Variants in CSMD1 observed in about 807,000 individuals in gnomAD.
CSMD1 encodes CUB and Sushi multiple domains 1.
A neutral mutation model predicts 417.5 loss-of-function variants in CSMD1; 213 were observed. The observed-to-expected ratio is 0.51, with a 90% CI of 0.46 to 0.57. The LOEUF (loss-of-function observed/expected upper bound fraction) is 0.57, where lower values mean the gene tolerates loss of function less well. Among genes scored for constraint, CSMD1 ranks in the 20% least tolerant of loss-of-function variants. The probability of loss-of-function intolerance (pLI) is 0.00; values close to 1 mark genes in which losing one functional copy is unlikely to be tolerated. For missense variants in CSMD1, 6,923 were observed against 4,529.7 expected, an observed-to-expected ratio of 1.53 and a Z score of -15.17; for synonymous variants, 2,862 against 1,736.8, an observed-to-expected ratio of 1.65 and a Z score of -16.11.
At chr8:3,313,632 G>A (rs1302977978) in intron 23 of CSMD1, among the ~76,000 whole-genome samples, 2 of 152,220 alleles carry the variant, frequency 1.3e-5, no homozygotes, top group African/African-American at 4.8e-5. Flanking sequence ...AGGTGCTGGA[G>A]AGGATGTGGA....
intron 1 of CSMD1, among the ~76,000 whole-genome samples, chr8:4,824,912 C>A (rs927597400): frequency 1.3e-5 from 2 of 152,100 alleles, no homozygotes; most frequent in African/African-American, 4.8e-5. Context: ...TACTGCTACA[C>A]AAATGCTAAC....
chr8:4,415,466 C>A (rs986987005), intron 3 of CSMD1, among the ~76,000 whole-genome samples: 4 of 95,884 alleles, frequency 4.2e-5, no homozygotes, highest in African/African-American at 1.6e-4. Context: ...TGGCCTGAGC[C>A]CACTCTGTGA....
chr8:3,332,674 T>C (rs7820621), intron 23 of CSMD1, among the ~76,000 whole-genome samples: 106,772 of 152,202 alleles, frequency 0.7, 38,177 homozygotes, highest in African/African-American at 0.83. Flanking sequence ...TGGGAGTGCG[T>C]GCATGTGTGC....
At chr8:4,119,343 C>A (rs1012971394) in intron 3 of CSMD1, among the ~76,000 whole-genome samples, 2 of 152,126 alleles carry the variant, frequency 1.3e-5, no homozygotes, top group Admixed American at 1.3e-4. Flanking sequence ...ACATCCACAG[C>A]AGGGAATGCT....
At chr8:3,336,675 C>T (rs968279543) in intron 23 of CSMD1, among the ~76,000 whole-genome samples, 4 of 152,158 alleles carry the variant, frequency 2.6e-5, no homozygotes, top group African/African-American at 9.7e-5. Context: ...CCCATCCAGA[C>T]AGAGGACCCA....
intron 3 of CSMD1, among the ~76,000 whole-genome samples, chr8:4,035,224 G>A (rs1797555096): frequency 6.6e-6 from 1 of 152,074 alleles, no homozygotes; most frequent in South Asian, 2.1e-4. Flanking sequence ...ACGTGTCTGT[G>A]GTGACGCCGG....
At chr8:3,168,956 T>C (rs984019831) in intron 37 of CSMD1, among the ~76,000 whole-genome samples, 1 of 152,074 alleles carries the variant, frequency 6.6e-6, no homozygotes, top group East Asian at 1.9e-4. Context: ...ACAAATTATA[T>C]TAGCATTTTA....
At chr8:3,341,195 G>A (rs1807619456) in intron 23 of CSMD1, among the ~76,000 whole-genome samples, 1 of 152,080 alleles carries the variant, frequency 6.6e-6, no homozygotes, top group East Asian at 1.9e-4. Flanking sequence ...CTGGGTGAGG[G>A]AGGGTGGACA....
At chr8:3,449,494 A>T (rs1004192936) in intron 12 of CSMD1, among the ~76,000 whole-genome samples, 8 of 152,020 alleles carry the variant, frequency 5.3e-5, no homozygotes, top group Non-Finnish European at 1.5e-5. Context: ...GTGAAGAACA[A>T]AATGAACATA....
At chr8:3,992,204 T>C (rs897590635) in intron 5 of CSMD1, among the ~76,000 whole-genome samples, 3 of 137,298 alleles carry the variant, frequency 2.2e-5, no homozygotes, top group Admixed American at 2.2e-4. Context: ...TTCATATTTA[T>C]TTCCCATTTA....
intron 26 of CSMD1, among the ~76,000 whole-genome samples, chr8:3,236,290 A>C (rs1192606778): frequency 1.2e-4 from 19 of 152,090 alleles, no homozygotes; most frequent in Admixed American, 1.2e-3. Flanking sequence ...GTATATTTTC[A>C]AAGGTTATTT....
At chr8:3,432,508 CTTTTTTT>C (rs769207768) in intron 12 of CSMD1, among the ~76,000 whole-genome samples, 2 of 105,316 alleles carry the variant, frequency 1.9e-5, no homozygotes, top group African/African-American at 7.1e-5. Context: ...TCAATATGGG[CTTTTTTT>C]TTTTTTTTTT....
intron 3 of CSMD1, among the ~76,000 whole-genome samples, chr8:4,076,787 A>T (rs1216626219): frequency 6.6e-6 from 1 of 152,120 alleles, no homozygotes; most frequent in Non-Finnish European, 1.5e-5. Flanking sequence ...CAACAACCAT[A>T]TCAGAGTATA....
intron 5 of CSMD1, among the ~76,000 whole-genome samples, chr8:3,880,940 A>C (rs960413316): frequency 1.3e-5 from 2 of 152,184 alleles, no homozygotes; most frequent in Non-Finnish European, 2.9e-5. Context: ...ATTGGATGCA[A>C]AATTAGTATA....
chr8:4,432,215 T>C (rs1315790571), intron 2 of CSMD1, among the ~76,000 whole-genome samples: 4 of 152,178 alleles, frequency 2.6e-5, no homozygotes, highest in Non-Finnish European at 2.9e-5. Context: ...AATTTAAAAA[T>C]TTTGTCAAAT....
chr8:3,527,026 G>A (rs752009214), intron 10 of CSMD1, among the ~76,000 whole-genome samples: 2 of 152,088 alleles, frequency 1.3e-5, no homozygotes, highest in Non-Finnish European at 2.9e-5. Flanking sequence ...CTCAGAATGT[G>A]GCTGGGCTGC....
chr8:3,949,937 C>T (rs117484920), intron 5 of CSMD1: 15 of 455,840 alleles, frequency 3.3e-5, no homozygotes, highest in Admixed American at 2.1e-4. Context: ...CGTGAAAACA[C>T]ACATGGAGAG....
chr8:4,889,169 G>A (rs773382628), intron 1 of CSMD1, among the ~76,000 whole-genome samples: 3 of 152,066 alleles, frequency 2.0e-5, no homozygotes, highest in African/African-American at 7.3e-5. Context: ...GTTACTTTAA[G>A]GTGGAGAATA....
chr8:3,031,046 G>T (rs1810309223), intron 50 of CSMD1, among the ~76,000 whole-genome samples: 1 of 151,758 alleles, frequency 6.6e-6, no homozygotes, highest in South Asian at 2.1e-4. Context: ...TTTATAAGAA[G>T]ATTCAAATGT....
Sources: gnomAD v4.1 joint callset for allele counts (sites outside exome capture counted in the v4.1 genomes callset) on GRCh38, gnomAD v4.1.1 for gene constraint, MANE v1.5 for transcripts, NCBI Gene and HGNC (gene_info 2026-07-23, HGNC 2026-07-21) for gene names.